The following MLYCD variants were observed in gnomAD, a reference collection of about 807,000 sequenced individuals.
MLYCD encodes the protein malonyl-CoA decarboxylase, mitochondrial.
MLYCD carries 27 observed loss-of-function variants against 35.8 expected under a neutral mutation model. The ratio of observed to expected loss-of-function variants is 0.75; its 90% CI spans 0.56 to 1.04. The LOEUF is 1.04. MLYCD is among the 50% of genes least tolerant of loss of function. The pLI is 0.00. For synonymous variants in MLYCD, 403 were observed against 302.4 expected, an observed-to-expected ratio of 1.33 and a Z score of -3.45; for missense variants, 917 against 665.1, an observed-to-expected ratio of 1.38 and a Z score of -4.17.
chr16:83,901,764 A>T (rs1394826407), intron 1 of MLYCD, among the ~76,000 whole-genome samples: 1 of 152,234 alleles, frequency 6.6e-6, no homozygotes, highest in African/African-American at 2.4e-5. Context: ...GCCCCTGGGA[A>T]ATACAGAGGC....
intron 1 of MLYCD, among the ~76,000 whole-genome samples, chr16:83,906,687 C>T (rs529747590): frequency 2.0e-5 from 3 of 152,168 alleles, no homozygotes; most frequent in South Asian, 4.1e-4. Context: ...CTATGGTGAA[C>T]GAATTGGAAG....
At chr16:83,913,822 A>G (rs868188760) in intron 4 of MLYCD, 1 of 149,096 alleles carries the variant, frequency 6.7e-6, no homozygotes, top group African/African-American at 2.5e-5. Context: ...AAAAAAAAAA[A>G]CAGTGGTTCG....
rs1907673006 is a variant in MLYCD at position 83,922,083 on chromosome 16, T to G, written c.*6594T>G. ...CCAGCAGTGTTGGGCTCACCGTAGC[T>G]GCACAATAAATTGTCATGAGTGCTT... On this transcript the variant is annotated 3_prime_UTR_variant, in exon 5 of 5. Coordinates refer to ENST00000262430, the MANE Select transcript of MLYCD (RefSeq NM_012213.3). 1 of 152,216 alleles carries G rather than the reference T, an allele frequency of 6.6e-6. No individual in the cohort carries two copies. Among genetic ancestry groups the G allele is most frequent in the South Asian group, 2.1e-4 (1 of 4,824 alleles). The allele number at this position is 152,216 out of a possible 1,614,324, so 9.4% of individuals were successfully genotyped here.
At chr16:83,914,745 C>G (rs1907309999) in intron 4 of MLYCD, 5 of 652,710 alleles carry the variant, frequency 7.7e-6, no homozygotes, top group Non-Finnish European at 1.3e-5. Flanking sequence ...CACCACTGCA[C>G]TCCAGCTAGG....
At position 83,912,851 on chromosome 16, in the gene MLYCD, G is replaced by C. The variant is rs72791530; in HGVS notation, c.948+484G>C. On this transcript the variant is annotated intron_variant, in intron 4 of 4. Transcript: ENST00000262430. ...CTCATGGCCTGTGAGGGAGTGCTGA[G>C]GTGAGACCAGACAGCTCGAAGGTAA... 6.1e-4 allele frequency: 148 copies of C among 241,050 alleles called. 1 individual carries two copies. The highest frequency in any genetic ancestry group is 1.8e-3 in the South Asian group (31 of 17,636). The allele number at this position is 241,050 out of a possible 1,614,324, so 14.9% of individuals were successfully genotyped here.
In MLYCD at chr16:83,920,197, A is replaced by T. The variant is rs1907605998; in HGVS notation, c.*4708A>T. 1 of 152,166 alleles carries T rather than the reference A, an allele frequency of 6.6e-6. No homozygotes were observed. Among genetic ancestry groups the T allele is most frequent in the African/African-American group, 2.4e-5 (1 of 41,432 alleles). The allele number at this position is 152,166 out of a possible 1,614,324, so 9.4% of individuals were successfully genotyped here. On this transcript the variant is annotated 3_prime_UTR_variant, in exon 5 of 5. Coordinates refer to ENST00000262430, the MANE Select transcript of MLYCD (RefSeq NM_012213.3). The stretch of plus-strand genomic sequence containing the variant: ...CAGTTTTGTTTTGTTTTGCTTTTGC[A>T]ATTCCAGGGAGCTCCCTGGCCTCCC...
chr16:83,903,159 A>G (rs994039535), intron 1 of MLYCD, among the ~76,000 whole-genome samples: 1 of 152,086 alleles, frequency 6.6e-6, no homozygotes, highest in African/African-American at 2.4e-5. Flanking sequence ...CCTCATGGGC[A>G]GTTTGGACCT....
chr16:83,899,591 C>A lies in MLYCD; in HGVS notation c.447C>A (p.Gly149=). ...GLFHHISKLD[G]GVRFLVQLRA... is the part of the protein sequence containing the mutation. The stretch of plus-strand genomic sequence containing the variant: ...TCCACCACATCAGCAAGCTGGACGG[C>A]GGCGTGCGCTTCCTGGTGCAGCTGC... Residue 149 remains glycine, a synonymous_variant, in exon 1 of 5, where the codon GGC becomes GGA. Coordinates refer to ENST00000262430, the MANE Select transcript of MLYCD (RefSeq NM_012213.3). The A allele has an allele frequency of 6.3e-7, 1 of 1,589,282 alleles. No individual in the cohort carries two copies. The highest frequency in any genetic ancestry group is 8.5e-7 in the Non-Finnish European group (1 of 1,175,966).
intron 1 of MLYCD, among the ~76,000 whole-genome samples, chr16:83,904,476 C>G (rs1217553996): frequency 6.6e-6 from 1 of 152,236 alleles, no homozygotes; most frequent in Admixed American, 6.5e-5. Context: ...AAGGGCCATT[C>G]TGTGTCACCT....
chr16:83,915,547 G>A lies in MLYCD; in HGVS notation c.*58G>A, dbSNP rs1907353200. 2 of 1,589,694 alleles carry A rather than the reference G, an allele frequency of 1.3e-6. No individual in the cohort carries two copies. The highest frequency in any genetic ancestry group is 1.3e-5 in the African/African-American group (1 of 74,792). On this transcript the variant is annotated 3_prime_UTR_variant, in exon 5 of 5. Coordinates refer to ENST00000262430, the MANE Select transcript of MLYCD (RefSeq NM_012213.3). ...CTAAGAAAACGATCATTTTCAGGAG[G>A]GGCCGGGAGTTATGTATCTGAAGCA...
At chr16:83,912,145 C>A (rs1907201037) in intron 3 of MLYCD, 73 bp from the exon 4 acceptor site, 1 of 1,600,094 alleles carries the variant, frequency 6.2e-7, no homozygotes, top group Non-Finnish European at 8.6e-7. Context: ...GTCTTCTCGT[C>A]CCAGCAACAG....
rs944533152 is a variant in MLYCD, at chr16:83,899,576, C to T, written c.432C>T (p.Ile144=). The change falls in exon 1 of 5, where the codon ATC becomes ATT. Residue 144 remains isoleucine (I), a synonymous_variant. Transcript: ENST00000262430. ...VPRYRGLFHH[I]SKLDGGVRFL... ...GCTATCGCGGCCTCTTCCACCACAT[C>T]AGCAAGCTGGACGGCGGCGTGCGCT... 1.1e-5 allele frequency: 18 copies of T among 1,593,148 alleles called. No individual in the cohort carries two copies. The highest frequency in any genetic ancestry group is 5.5e-5 in the South Asian group (5 of 90,474).
intron 4 of MLYCD, chr16:83,913,437 C>G (rs569885201): frequency 6.6e-6 from 1 of 152,318 alleles, no homozygotes; most frequent in East Asian, 1.9e-4. Flanking sequence ...CTGAGGGTGT[C>G]GCTTAACTGC....
intron 1 of MLYCD, among the ~76,000 whole-genome samples, chr16:83,899,893 T>C (rs1567630784): frequency 6.6e-6 from 1 of 152,240 alleles, no homozygotes; most frequent in Non-Finnish European, 1.5e-5. Flanking sequence ...GTCCTTGAAG[T>C]CCTCACTTGT....
rs1907716056 is a variant in MLYCD, at chr16:83,923,506, T to G, written c.*8017T>G. 1 of 152,270 alleles carries G rather than the reference T, an allele frequency of 6.6e-6. No homozygotes were observed. The highest frequency in any genetic ancestry group is 1.5e-5 in the Non-Finnish European group (1 of 68,048). The allele number at this position is 152,270 out of a possible 1,614,324, so 9.4% of individuals were successfully genotyped here. A position where few individuals can be genotyped will look rare whatever the true frequency, so the allele number is the denominator to read the frequency against. ...CCACATTGCATTTGCGTTTCCCGCC[T>G]GGCTAGTTCTTGATCATTGAGGAAG... On this transcript the variant is annotated 3_prime_UTR_variant, in exon 5 of 5. Coordinates refer to ENST00000262430, the MANE Select transcript of MLYCD (RefSeq NM_012213.3).
At chr16:83,904,699 C>T (rs562894091) in intron 1 of MLYCD, among the ~76,000 whole-genome samples, 1 of 152,350 alleles carries the variant, frequency 6.6e-6, no homozygotes, top group South Asian at 2.1e-4. Flanking sequence ...CAAAGATCTT[C>T]TGGTCCAGCT....
intron 1 of MLYCD, among the ~76,000 whole-genome samples, chr16:83,901,808 C>T (rs72791513): frequency 0.067 from 10,263 of 152,188 alleles, 394 homozygotes; most frequent in Non-Finnish European, 0.085. Context: ...AGTTTCCTTG[C>T]TTTTTGACCA....
chr16:83,915,656 C>T lies in MLYCD; in HGVS notation c.*167C>T. 2 of 1,503,610 alleles carry T rather than the reference C, an allele frequency of 1.3e-6. No homozygotes were observed. The highest frequency in any genetic ancestry group is 1.3e-5 in the South Asian group (1 of 78,812). 93.1% of individuals were successfully genotyped at this position (1,503,610 alleles called of 1,614,324 possible). ...GAGGCCAGGCCTCAACTTCCCTCAC[C>T]CTGGGCGTGACATGCACCCAGTGCA... On this transcript the variant is annotated 3_prime_UTR_variant, in exon 5 of 5. Transcript: ENST00000262430.
chr16:83,904,712 C>G (rs1401406373), intron 1 of MLYCD, among the ~76,000 whole-genome samples: 2 of 152,236 alleles, frequency 1.3e-5, no homozygotes, highest in African/African-American at 2.4e-5. Context: ...GTCCAGCTGT[C>G]TATCTAATGC....
Sources: allele counts gnomAD v4.1 joint callset (sites outside exome capture counted in the v4.1 genomes callset), GRCh38; gene constraint gnomAD v4.1.1; transcripts MANE v1.5; gene names NCBI Gene and HGNC (gene_info 2026-07-23, HGNC 2026-07-21).